Variants in GRM7 observed in about 807,000 individuals in gnomAD.
GRM7 encodes glutamate metabotropic receptor 7.
Under a neutral mutation model 84.5 loss-of-function variants are expected in GRM7, and 35 were observed. The ratio of observed to expected loss-of-function variants is 0.41; its 90% confidence interval spans 0.32 to 0.55. GRM7 has a LOEUF of 0.55. Among genes scored for constraint, GRM7 ranks in the 20% least tolerant of loss-of-function variants. The pLI is 0.19. For synonymous variants in GRM7, 487 were observed against 455.1 expected (o/e 1.07, Z -0.89); for missense variants, 1,003 against 1,194.6 (o/e 0.84, Z 2.36).
chr3:7,382,333 C>T (rs1694624238), intron 4 of GRM7, among the ~76,000 whole-genome samples: 1 of 152,098 alleles, frequency 6.6e-6, no homozygotes. Flanking sequence ...TTTGTATCTT[C>T]ATTTCTATTC....
chr3:7,727,193 C>T (rs1448016048), intron 9 of GRM7, among the ~76,000 whole-genome samples: 3 of 152,028 alleles, frequency 2.0e-5, no homozygotes, highest in Admixed American at 6.6e-5. Context: ...TTTAAAATGC[C>T]CCATCAAAAG....
intron 7 of GRM7, among the ~76,000 whole-genome samples, chr3:7,575,881 G>T (rs1694939085): frequency 6.6e-6 from 1 of 152,156 alleles, no homozygotes; most frequent in African/African-American, 2.4e-5. Context: ...GGGCAGCATT[G>T]CCAGGTATTT....
At chr3:7,222,941 C>T (rs996341053) in intron 2 of GRM7, among the ~76,000 whole-genome samples, 1 of 152,152 alleles carries the variant, frequency 6.6e-6, no homozygotes, top group South Asian at 2.1e-4. Context: ...ACATAAATGA[C>T]AGCATATCTG....
intron 9 of GRM7, chr3:7,681,957 C>T (rs1435183797): frequency 6.6e-6 from 1 of 152,180 alleles, no homozygotes; most frequent in Non-Finnish European, 1.5e-5. Flanking sequence ...TAAGTTTCAG[C>T]ATAATTTATT....
At chr3:7,703,496 G>C (rs1158034669) in intron 9 of GRM7, among the ~76,000 whole-genome samples, 2 of 151,800 alleles carry the variant, frequency 1.3e-5, no homozygotes, top group African/African-American at 4.8e-5. Context: ...GTTTATTCTA[G>C]AGATGGCTCT....
intron 1 of GRM7, among the ~76,000 whole-genome samples, chr3:6,957,891 A>T (rs942731287): frequency 1.3e-5 from 2 of 152,192 alleles, no homozygotes; most frequent in African/African-American, 2.4e-5. Flanking sequence ...AGACACTTGG[A>T]TGCATTTTAC....
At chr3:7,020,465 G>T (rs1235379417) in intron 1 of GRM7, among the ~76,000 whole-genome samples, 2 of 152,226 alleles carry the variant, frequency 1.3e-5, no homozygotes, top group Admixed American at 1.3e-4. Context: ...ATTTAGAGCA[G>T]TGTTTCTCAA....
chr3:7,435,140 G>C (rs1036076386), intron 5 of GRM7, among the ~76,000 whole-genome samples: 3 of 151,620 alleles, frequency 2.0e-5, no homozygotes, highest in Admixed American at 6.6e-5. Flanking sequence ...GTAGTGATGA[G>C]GTTTCCTTCA....
At position 7,026,002 on chromosome 3, in the gene GRM7, T is replaced by A. The variant is rs78772441; in HGVS notation, c.520-120450T>A. Among the ~76,000 whole-genome samples, 539 of 152,302 alleles carry A rather than the reference T, an allele frequency of 3.5e-3. 3 individuals carry two copies. The highest frequency in any genetic ancestry group is 0.012 in the African/African-American group (503 of 41,558). The stretch of plus-strand genomic sequence containing the variant: ...GCAGCTAGGTGACTACCTGTGACTA[T>A]CATCCCCCAACACCCCTGACAATGA... On this transcript the variant is annotated intron_variant, in intron 1 of 9. Coordinates refer to ENST00000357716, the MANE Select transcript of GRM7 (RefSeq NM_000844.4).
intron 9 of GRM7, among the ~76,000 whole-genome samples, chr3:7,716,256 C>T (rs970280696): frequency 1.3e-5 from 2 of 152,180 alleles, no homozygotes; most frequent in Non-Finnish European, 2.9e-5. Context: ...TCTTACAATC[C>T]ATTCTAAAGC....
intron 4 of GRM7, among the ~76,000 whole-genome samples, chr3:7,398,273 G>A (rs1371471763): frequency 6.6e-6 from 1 of 152,158 alleles, no homozygotes; most frequent in Non-Finnish European, 1.5e-5. Flanking sequence ...TTTTTCGCAT[G>A]TGGCAGTGAA....
At chr3:7,736,705 A>G (rs931079835) in intron 9 of GRM7, among the ~76,000 whole-genome samples, 3 of 152,144 alleles carry the variant, frequency 2.0e-5, no homozygotes, top group Non-Finnish European at 2.9e-5. Context: ...CTTATTTCCT[A>G]TGAGTGGATG....
chr3:6,956,242 A>C (rs1322120892), intron 1 of GRM7, among the ~76,000 whole-genome samples: 4 of 152,170 alleles, frequency 2.6e-5, no homozygotes, highest in African/African-American at 9.6e-5. Context: ...TGTAGTCGGA[A>C]AGATTCTGAG....
intron 4 of GRM7, among the ~76,000 whole-genome samples, chr3:7,348,178 G>A (rs1232697721): frequency 6.6e-6 from 1 of 151,986 alleles, no homozygotes; most frequent in African/African-American, 2.4e-5. Context: ...TGCCTTTTTG[G>A]TTAAATTTTC....
chr3:6,868,441 G>T (rs1400081399), intron 1 of GRM7, among the ~76,000 whole-genome samples: 1 of 152,148 alleles, frequency 6.6e-6, no homozygotes, highest in Non-Finnish European at 1.5e-5. Flanking sequence ...TAGGCCCATA[G>T]AAACTTGAGC....
At chr3:7,693,416 C>T (rs926759635) in intron 9 of GRM7, among the ~76,000 whole-genome samples, 1 of 152,026 alleles carries the variant, frequency 6.6e-6, no homozygotes, top group Non-Finnish European at 1.5e-5. Flanking sequence ...ATAGCAAAGC[C>T]CTATAAAGAA....
intron 5 of GRM7, among the ~76,000 whole-genome samples, chr3:7,427,694 C>T (rs1696666464): frequency 6.6e-6 from 1 of 152,236 alleles, no homozygotes; most frequent in South Asian, 2.1e-4. Flanking sequence ...CCACTTTTAT[C>T]CACCAGTTTT....
chr3:7,306,781 C>T (rs1700208690), intron 4 of GRM7, 129 bp downstream of exon 4: 2 of 675,764 alleles, frequency 3.0e-6, no homozygotes, highest in Non-Finnish European at 2.4e-6. Flanking sequence ...AACTTATAGC[C>T]ATGAAATGCA....
intron 1 of GRM7, among the ~76,000 whole-genome samples, chr3:7,048,923 T>C (rs927040596): frequency 6.6e-6 from 1 of 152,018 alleles, no homozygotes; most frequent in African/African-American, 2.4e-5. Context: ...TCTATTTTCC[T>C]GTGTTTATGC....
Sources: gnomAD v4.1 joint callset for allele counts (sites outside exome capture counted in the v4.1 genomes callset) on GRCh38, gnomAD v4.1.1 for gene constraint, MANE v1.5 for transcripts, NCBI Gene and HGNC (gene_info 2026-07-23, HGNC 2026-07-21) for gene names.